ABCA13: variants seen among roughly 807,000 people sequenced by gnomAD.
The protein encoded by ABCA13 is ATP binding cassette subfamily A member 13.
In ABCA13, 476 loss-of-function variants were observed where a neutral mutation model predicts 478.7. The ratio of observed to expected loss-of-function variants is 0.99; its 90% CI spans 0.92 to 1.07. ABCA13 has a LOEUF of 1.07. ABCA13 is among the 50% of genes least tolerant of loss of function. The pLI, the probability that ABCA13 is intolerant of heterozygous loss-of-function variation, is 0.00. For synonymous variants in ABCA13, 2,252 were observed against 2,158.9 expected, an observed-to-expected ratio of 1.04 and a Z score of -1.20; for missense variants, 6,060 against 5,910.6, an observed-to-expected ratio of 1.03 and a Z score of -0.83.
At chr7:48,615,160 T>A in intron 58 of ABCA13, 125 bp from the exon 59 acceptor site, 1 of 466,566 alleles carries the variant, frequency 2.1e-6, no homozygotes, top group African/African-American at 2.0e-5. Context: ...CCATGAGATT[T>A]CTGTGTAAAA....
chr7:48,591,821 CAT>C (rs1310445047), intron 57 of ABCA13, among the ~76,000 whole-genome samples: 1 of 151,824 alleles, frequency 6.6e-6, no homozygotes, highest in Non-Finnish European at 1.5e-5. Context: ...GATTTTGTAT[CAT>C]ATGACTTTAT....
intron 48 of ABCA13, among the ~76,000 whole-genome samples, chr7:48,503,659 A>G (rs1830949400): frequency 6.6e-6 from 1 of 152,180 alleles, no homozygotes; most frequent in Non-Finnish European, 1.5e-5. Flanking sequence ...ATGTGCATGA[A>G]TATCTATCTT....
At chr7:48,226,690 G>A (rs1788256054) in intron 5 of ABCA13, among the ~76,000 whole-genome samples, 1 of 152,158 alleles carries the variant, frequency 6.6e-6, no homozygotes, top group Admixed American at 6.5e-5. Context: ...TGCGGGCTCA[G>A]TGAGGCACTG....
chr7:48,238,542 C>T (rs1426107683), intron 8 of ABCA13, among the ~76,000 whole-genome samples: 1 of 151,734 alleles, frequency 6.6e-6, no homozygotes, highest in Non-Finnish European at 1.5e-5. Context: ...GATCTCCGCT[C>T]ACTGCAAGCT....
rs1796193220 is a variant in ABCA13 at position 48,275,582 on chromosome 7, T to C, written c.5916T>C (p.Asn1972=). 6.2e-7 allele frequency: 1 copy of C among 1,613,246 alleles called. No homozygotes were observed. Among genetic ancestry groups the C allele is most frequent in the African/African-American group, 1.3e-5 (1 of 75,028 alleles). The part of the protein sequence containing the change: ...VNFTKVTSGE[N]ILDKLSSLNK... Reference sequence around the variant, plus strand: ...TTACAAAAGTTACATCAGGTGAAAATATTCTTGACAAACTAAGTAGTTTAA... The same window carrying C: ...TTACAAAAGTTACATCAGGTGAAAACATTCTTGACAAACTAAGTAGTTTAA... The change falls in exon 17 of 62, where the codon AAT becomes AAC. Residue 1972 remains asparagine (N), a synonymous_variant. Coordinates refer to ENST00000435803, the MANE Select transcript of ABCA13 (RefSeq NM_152701.5).
chr7:48,552,202 C>A (rs1170607780), intron 55 of ABCA13, among the ~76,000 whole-genome samples: 2 of 151,664 alleles, frequency 1.3e-5, no homozygotes, highest in Non-Finnish European at 3.0e-5. Context: ...ACAATTTTAT[C>A]TCAGACATTC....
chr7:48,410,155 C>G (rs1362226761), intron 39 of ABCA13, among the ~76,000 whole-genome samples: 1 of 149,444 alleles, frequency 6.7e-6, no homozygotes, highest in South Asian at 2.1e-4. Flanking sequence ...GAGATAACCA[C>G]CCAGCTTTTT....
intron 31 of ABCA13, among the ~76,000 whole-genome samples, chr7:48,366,686 C>T (rs558411370): frequency 6.6e-6 from 1 of 152,156 alleles, no homozygotes; most frequent in South Asian, 2.1e-4. Flanking sequence ...ATCTCAAGTA[C>T]CTGGAATCTA....
At chr7:48,316,371 A>G (rs532565926) in intron 26 of ABCA13, among the ~76,000 whole-genome samples, 1 of 152,352 alleles carries the variant, frequency 6.6e-6, no homozygotes, top group East Asian at 1.9e-4. Context: ...TTTCTTGATG[A>G]AAAACCAGAT....
intron 16 of ABCA13, among the ~76,000 whole-genome samples, chr7:48,269,301 T>A (rs1371488722): frequency 6.6e-6 from 1 of 152,234 alleles, no homozygotes; most frequent in Non-Finnish European, 1.5e-5. Flanking sequence ...TATGACTCAA[T>A]GGATTTTGAA....
chr7:48,646,548 C>T lies in ABCA13; in HGVS notation c.*1036C>T, dbSNP rs909602728. ...TTATTTTTTTTTTTTGAGGCGGAGT[C>T]TCGCTCTGTCACCCAGGCTGGAGTG... On this transcript the variant is annotated 3_prime_UTR_variant, in exon 62 of 62. Coordinates refer to ENST00000435803, the MANE Select transcript of ABCA13 (RefSeq NM_152701.5). 6.6e-6 allele frequency: 1 copy of T among 150,830 alleles called. No individual in the cohort carries two copies. The highest frequency in any genetic ancestry group is 1.5e-5 in the Non-Finnish European group (1 of 67,942). 9.3% of individuals were successfully genotyped at this position (150,830 alleles called of 1,614,324 possible).
intron 9 of ABCA13, among the ~76,000 whole-genome samples, chr7:48,240,435 T>C (rs1421656077): frequency 6.6e-6 from 1 of 152,258 alleles, no homozygotes; most frequent in African/African-American, 2.4e-5. Flanking sequence ...ACAGTGCTAA[T>C]TGACTTCAGT....
intron 59 of ABCA13, among the ~76,000 whole-genome samples, chr7:48,629,327 A>G (rs575431535): frequency 4.6e-5 from 7 of 152,312 alleles, no homozygotes; most frequent in Non-Finnish European, 8.8e-5. Context: ...CCTAGGCACA[A>G]GAAAACATAG....
intron 58 of ABCA13, among the ~76,000 whole-genome samples, chr7:48,607,068 G>A (rs549308047): frequency 6.6e-6 from 1 of 152,300 alleles, no homozygotes; most frequent in South Asian, 2.1e-4. Flanking sequence ...CCAAGCTTGA[G>A]CATCCCAGGT....
intron 35 of ABCA13, among the ~76,000 whole-genome samples, chr7:48,383,401 A>G (rs1483162178): frequency 1.3e-5 from 2 of 152,188 alleles, no homozygotes; most frequent in African/African-American, 4.8e-5. Context: ...ACACACACGT[A>G]TGGTGATCTT....
intron 55 of ABCA13, among the ~76,000 whole-genome samples, chr7:48,537,698 C>T (rs1833675624): frequency 1.3e-5 from 2 of 152,148 alleles, no homozygotes; most frequent in South Asian, 4.1e-4. Context: ...CTAAATGTGA[C>T]TCAGGTCAGA....
chr7:48,327,963 A>T (rs1291417039), intron 27 of ABCA13, among the ~76,000 whole-genome samples: 1 of 152,222 alleles, frequency 6.6e-6, no homozygotes, highest in African/African-American at 2.4e-5. Flanking sequence ...AATTTGGTGA[A>T]TCAGATATAG....
At chr7:48,370,527 GT>G (rs1812465910) in intron 32 of ABCA13, among the ~76,000 whole-genome samples, 1 of 152,110 alleles carries the variant, frequency 6.6e-6, no homozygotes, top group Non-Finnish European at 1.5e-5. Flanking sequence ...TTGGCTGTGG[GT>G]TTGCCATATA....
chr7:48,535,480 G>A (rs1279497874), intron 55 of ABCA13, among the ~76,000 whole-genome samples: 1 of 152,212 alleles, frequency 6.6e-6, no homozygotes, highest in Non-Finnish European at 1.5e-5. Flanking sequence ...TTTTGCATTG[G>A]TTGGCCTCCA....
Sources: gnomAD v4.1 joint callset for allele counts (sites outside exome capture counted in the v4.1 genomes callset) on GRCh38, gnomAD v4.1.1 for gene constraint, MANE v1.5 for transcripts, NCBI Gene and HGNC (gene_info 2026-07-23, HGNC 2026-07-21) for gene names.